Variants in PCED1B observed in about 807,000 individuals in gnomAD.
PCED1B encodes the protein PC-esterase domain containing 1B.
For missense variants in PCED1B, 573 were observed against 573.9 expected (o/e 1.00, Z 0.02); for synonymous variants, 251 against 246.1 (o/e 1.02, Z -0.19).
chr12:47,083,862 A>G (rs1937856592), intron 1 of PCED1B, among the ~76,000 whole-genome samples: 1 of 151,900 alleles, frequency 6.6e-6, no homozygotes, highest in South Asian at 2.1e-4. Context: ...GTCTCCACTC[A>G]CTCATCTGGT....
intron 2 of PCED1B, among the ~76,000 whole-genome samples, chr12:47,137,495 G>A (rs1404420370): frequency 6.6e-6 from 1 of 151,970 alleles, no homozygotes. Context: ...TAAACATTTA[G>A]GGAAAGCTAT....
intron 2 of PCED1B, among the ~76,000 whole-genome samples, chr12:47,207,880 A>G (rs2137745965): frequency 6.6e-6 from 1 of 152,302 alleles, no homozygotes; most frequent in African/African-American, 2.4e-5. Flanking sequence ...TCTTTAACAA[A>G]CTAAGCATAT....
intron 2 of PCED1B, among the ~76,000 whole-genome samples, chr12:47,198,795 T>C (rs1426295099): frequency 6.6e-6 from 1 of 151,802 alleles, no homozygotes; most frequent in African/African-American, 2.4e-5. Context: ...TGAAACCCTG[T>C]CTCTACTAAA....
intron 1 of PCED1B, among the ~76,000 whole-genome samples, chr12:47,081,538 A>C (rs1263975447): frequency 6.6e-6 from 1 of 152,208 alleles, no homozygotes; most frequent in Admixed American, 6.5e-5. Context: ...TCATAAGAAC[A>C]CAGCCTAAAA....
chr12:47,236,000 C>T lies in PCED1B; in HGVS notation c.937C>T (p.Leu313Phe). 1 of 1,613,036 alleles carries T rather than the reference C, an allele frequency of 6.2e-7. No individual in the cohort carries two copies. Among genetic ancestry groups the T allele is most frequent in the Non-Finnish European group, 8.5e-7 (1 of 1,179,558 alleles). Reference protein sequence around the residue: ...LGFPPQRLPLLPLLSPQPPPP... With the variant: ...LGFPPQRLPLFPLLSPQPPPP... ...GTTCCCACCCCAGCGCTTGCCGCTG[C>T]TCCCGCTCCTGTCCCCACAGCCTCC... The change falls in exon 4 of 4, where the codon CTC becomes TTC. Residue 313 changes from leucine (L) to phenylalanine (F), a missense_variant. Transcript: ENST00000546455.
intron 2 of PCED1B, among the ~76,000 whole-genome samples, chr12:47,207,611 C>G (rs560110657): frequency 6.6e-6 from 1 of 152,324 alleles, no homozygotes; most frequent in Admixed American, 6.5e-5. Context: ...CTTCCTTCCT[C>G]TTTGCTTTTA....
intron 2 of PCED1B, among the ~76,000 whole-genome samples, chr12:47,157,190 C>G (rs1328370953): frequency 2.6e-5 from 4 of 152,188 alleles, no homozygotes; most frequent in Admixed American, 6.5e-5. Flanking sequence ...GTAGGTAGAG[C>G]TTACCCCTGA....
At chr12:47,196,936 C>A (rs552978211) in intron 2 of PCED1B, among the ~76,000 whole-genome samples, 1 of 151,372 alleles carries the variant, frequency 6.6e-6, no homozygotes, top group East Asian at 1.9e-4. Context: ...GGATGGCAGG[C>A]CAAAGTGTTA....
At chr12:47,165,736 C>T (rs1436465749) in intron 2 of PCED1B, among the ~76,000 whole-genome samples, 1 of 152,132 alleles carries the variant, frequency 6.6e-6, no homozygotes, top group Non-Finnish European at 1.5e-5. Flanking sequence ...GGATTTAAGG[C>T]TGTCTTTGGA....
intron 3 of PCED1B, among the ~76,000 whole-genome samples, chr12:47,231,571 T>A (rs979408711): frequency 6.6e-6 from 1 of 152,130 alleles, no homozygotes; most frequent in Non-Finnish European, 1.5e-5. Flanking sequence ...AAAGGGCAGA[T>A]CTGGAGGCCC....
At chr12:47,194,236 A>G (rs1053249525) in intron 2 of PCED1B, among the ~76,000 whole-genome samples, 2 of 152,110 alleles carry the variant, frequency 1.3e-5, no homozygotes, top group African/African-American at 4.8e-5. Context: ...GTGCAGTGGC[A>G]CGATCTCAGC....
chr12:47,128,501 C>T (rs1420049656), intron 2 of PCED1B, among the ~76,000 whole-genome samples: 1 of 152,140 alleles, frequency 6.6e-6, no homozygotes, highest in African/African-American at 2.4e-5. Flanking sequence ...CCCAAATATT[C>T]TGCTAAGCAA....
intron 2 of PCED1B, among the ~76,000 whole-genome samples, chr12:47,191,809 G>GT (rs147421136): frequency 0.22 from 33,372 of 148,404 alleles, 4,364 homozygotes; most frequent in Non-Finnish European, 0.31. Context: ...GTTGTGTTGT[G>GT]CTTTTTTTTT....
chr12:47,092,036 A>G (rs1938287726), intron 1 of PCED1B, among the ~76,000 whole-genome samples: 1 of 152,086 alleles, frequency 6.6e-6, no homozygotes, highest in South Asian at 2.1e-4. Flanking sequence ...TACATTTGAT[A>G]TGAATTTTAG....
At chr12:47,093,974 T>G (rs958169232) in intron 1 of PCED1B, among the ~76,000 whole-genome samples, 7 of 152,150 alleles carry the variant, frequency 4.6e-5, no homozygotes, top group Non-Finnish European at 1.0e-4. Flanking sequence ...TTCTATATCC[T>G]TACTGATTTT....
At chr12:47,098,281 T>C (rs191750463) in intron 1 of PCED1B, among the ~76,000 whole-genome samples, 2 of 152,322 alleles carry the variant, frequency 1.3e-5, no homozygotes, top group African/African-American at 4.8e-5. Flanking sequence ...TCAGTGACTA[T>C]GGACTGCAGC....
At chr12:47,230,127 C>CA (rs1279331478) in intron 3 of PCED1B, among the ~76,000 whole-genome samples, 4 of 149,920 alleles carry the variant, frequency 2.7e-5, no homozygotes, top group Non-Finnish European at 5.9e-5. Context: ...ACTCTGTCCC[C>CA]AGGCTGGAGT....
At chr12:47,087,167 T>C (rs916692481) in intron 1 of PCED1B, among the ~76,000 whole-genome samples, 2 of 152,252 alleles carry the variant, frequency 1.3e-5, no homozygotes, top group African/African-American at 4.8e-5. Flanking sequence ...AAACATCACA[T>C]TAATATAGGA....
intron 1 of PCED1B, among the ~76,000 whole-genome samples, chr12:47,089,028 G>A (rs1477852077): frequency 6.6e-6 from 1 of 152,116 alleles, no homozygotes; most frequent in Non-Finnish European, 1.5e-5. Context: ...TGCAAGATAG[G>A]CAATAGGGTC....
Sources: gnomAD v4.1 joint callset for allele counts (sites outside exome capture counted in the v4.1 genomes callset) on GRCh38, gnomAD v4.1.1 for gene constraint, MANE v1.5 for transcripts, NCBI Gene and HGNC (gene_info 2026-07-23, HGNC 2026-07-21) for gene names.